Variants in IWS1 observed in about 807,000 individuals in gnomAD.
IWS1 encodes protein IWS1 homolog.
In IWS1, 27 loss-of-function variants were observed where a neutral mutation model predicts 86.7. The observed-to-expected ratio is 0.31, with a 90% CI of 0.23 to 0.43. The LOEUF is 0.43. Ranked by LOEUF, IWS1 falls within the 20% of genes least tolerant of loss-of-function variation. The pLI, the probability that IWS1 is intolerant of heterozygous loss-of-function variation, is 1.00. For missense variants in IWS1, 827 were observed against 1,000.8 expected, an observed-to-expected ratio of 0.83 and a Z score of 2.34; for synonymous variants, 313 against 335.1, an observed-to-expected ratio of 0.93 and a Z score of 0.72.
At chr2:127,525,400 CT>C (rs1266291151) in intron 1 of IWS1, among the ~76,000 whole-genome samples, 1 of 152,138 alleles carries the variant, frequency 6.6e-6, no homozygotes, top group Non-Finnish European at 1.5e-5. Context: ...CTCAAGTTTT[CT>C]TTTTAATTTT....
chr2:127,516,705 G>A (rs1043331619), intron 2 of IWS1, among the ~76,000 whole-genome samples: 2 of 152,260 alleles, frequency 1.3e-5, no homozygotes, highest in Non-Finnish European at 2.9e-5. Context: ...AGGTTACAAT[G>A]AGCCATAATT....
chr2:127,523,601 T>C, intron 2 of IWS1, 75 bp downstream of exon 2: 2 of 946,276 alleles, frequency 2.1e-6, no homozygotes, highest in Non-Finnish European at 3.3e-6. Context: ...ACAGAGATTC[T>C]GTAACTCCTA....
chr2:127,496,927 T>C (rs1445984796), intron 6 of IWS1, among the ~76,000 whole-genome samples: 7 of 152,226 alleles, frequency 4.6e-5, no homozygotes, highest in Non-Finnish European at 1.5e-5. Context: ...ACAAATACCA[T>C]TGTGTTACCA....
intron 2 of IWS1, among the ~76,000 whole-genome samples, chr2:127,520,069 G>A (rs191298153): frequency 3.9e-5 from 6 of 152,270 alleles, no homozygotes; most frequent in African/African-American, 9.6e-5. Flanking sequence ...ATAATTTTTC[G>A]TTGTTTTAAG....
chr2:127,525,223 G>A (rs958755440), intron 1 of IWS1, among the ~76,000 whole-genome samples: 1 of 152,040 alleles, frequency 6.6e-6, no homozygotes, highest in African/African-American at 2.4e-5. Flanking sequence ...GCCTCCCAAA[G>A]TGCTGGGATT....
In IWS1 at chr2:127,505,614, A is replaced by T. The variant is rs761680464; in HGVS notation, c.289T>A (p.Ser97Thr). The T allele has an allele frequency of 1.2e-5, 20 of 1,612,792 alleles. No individual in the cohort carries two copies. The East Asian group carries it at 4.5e-4, about 36-fold the overall frequency. ...LHRQKDSDSE[S>T]EERAEPPASD... ...GCAGGAGGCTCTGCACGTTCCTCAG[A>T]TTCAGAGTCGCTGTCCTTTTGCCTG... Residue 97 changes from serine to threonine, a missense_variant, in exon 3 of 14, where the codon TCT becomes ACT. Ser to Thr is a moderately conservative substitution (Grantham distance 58). Coordinates refer to ENST00000295321, the MANE Select transcript of IWS1 (RefSeq NM_017969.3). The surrounding 1 kb of genome is among the most constrained non-coding windows in gnomAD (Gnocchi z 5.0).
intron 13 of IWS1, chr2:127,482,840 T>C (rs936088235): frequency 6.6e-6 from 1 of 152,136 alleles, no homozygotes; most frequent in African/African-American, 2.4e-5. Flanking sequence ...AACGCTACAC[T>C]TCCTTAGAAA....
Position 127,481,023 on chromosome 2 carries a change from G to A in IWS1, c.*21C>T. On this transcript the variant is annotated 3_prime_UTR_variant, in exon 14 of 14. Transcript: ENST00000295321. ...ATTGCGCATTTCTTAGAGTAGAGAT[G>A]GGGACACATTCCAGGCAAGGTCACA... The A allele has an allele frequency of 6.3e-7, 1 of 1,596,370 alleles. No homozygotes were observed. The highest frequency in any genetic ancestry group is 8.5e-7 in the Non-Finnish European group (1 of 1,174,378).
At chr2:127,502,730 T>G in intron 5 of IWS1, 85 bp downstream of exon 5, 1 of 665,730 alleles carries the variant, frequency 1.5e-6, no homozygotes, top group Non-Finnish European at 2.7e-6. Context: ...TCCTACTTAT[T>G]AGAATCATCT....
At chr2:127,514,975 CT>C (rs1691691609) in intron 2 of IWS1, 1 of 152,230 alleles carries the variant, frequency 6.6e-6, no homozygotes, top group African/African-American at 2.4e-5. Context: ...GGAAGTGGCA[CT>C]CTCCAAAAAA....
rs1359805509 is a variant in IWS1, at chr2:127,504,791, T to G, written c.1112A>C (p.Lys371Thr). Reference sequence around the variant, plus strand: ...TTCATCACTGTCCATTTTTTGCTTTTTGTGTTCTTCCTCCTCACTATCAGA... The same window carrying G: ...TTCATCACTGTCCATTTTTTGCTTTGTGTGTTCTTCCTCCTCACTATCAGA... Reference protein sequence around the residue: ...HSSDSEEEEHKKQKMDSDEDE... With the variant: ...HSSDSEEEEHTKQKMDSDEDE... The change falls in exon 3 of 14, where the codon AAA becomes ACA. Residue 371 changes from lysine to threonine, a missense_variant. By Grantham distance (78) the Lys-to-Thr change is moderately conservative. Around this residue, in one of 2 missense-constraint regions of IWS1, gnomAD observed 548 missense variants for 560.2 expected, o/e 0.98. Transcript: ENST00000295321. 3.7e-6 allele frequency: 6 copies of G among 1,614,234 alleles called. No individual in the cohort carries two copies. The highest frequency in any genetic ancestry group is 5.1e-6 in the Non-Finnish European group (6 of 1,180,030).
Position 127,499,151 on chromosome 2 carries a change from C to A in IWS1, c.1468-914G>T, listed in dbSNP as rs112830719. Among the ~76,000 whole-genome samples the A allele has an allele frequency of 0.012, 1,740 of 148,820 alleles. 31 individuals are homozygous for A. The highest frequency in any genetic ancestry group is 0.04 in the African/African-American group (1,609 of 40,292). On this transcript the variant is annotated intron_variant, in intron 5 of 13. Transcript: ENST00000295321. The surrounding 1 kb of genome is among the most constrained non-coding windows in gnomAD (Gnocchi z 4.0). ...TGTCGCCCAGGCCAGAGTGCAGTGG[C>A]GTGATCTCGGCTCACTGCAAGCTCC...
In IWS1 at chr2:127,493,410, C is replaced by A; in HGVS notation, c.1800G>T (p.Lys600Asn). The A allele has an allele frequency of 6.3e-7, 1 of 1,592,752 alleles. No homozygotes were observed. Among genetic ancestry groups the A allele is most frequent in the Non-Finnish European group, 8.5e-7 (1 of 1,174,074 alleles). ...LLPAVVMHLK[K>N]QDLKETFIDS... is the part of the protein sequence containing the mutation. ...CAATGAATGTTTCTTTAAGGTCCTG[C>A]CTGCAGTAACAATAATTTTTAAAAA... The change falls in exon 9 of 14, where the codon AAG (lysine) becomes AAT (asparagine). Residue 600 changes from lysine (K) to asparagine (N), a missense_variant and splice_region_variant. Physicochemically the swap from Lys to Asn is moderately conservative, Grantham distance 94. Around this residue, in one of 2 missense-constraint regions of IWS1, gnomAD observed 279 missense variants for 440.6 expected, o/e 0.63. Coordinates refer to ENST00000295321, the MANE Select transcript of IWS1 (RefSeq NM_017969.3).
chr2:127,503,598 A>G, intron 3 of IWS1, 22 bp from the exon 4 acceptor site: 1 of 1,543,630 alleles, frequency 6.5e-7, no homozygotes, highest in Non-Finnish European at 8.8e-7. Flanking sequence ...GAAAATCATC[A>G]TTAATTTTAT....
At position 127,505,661 on chromosome 2, in the gene IWS1, T is replaced by A; in HGVS notation, c.242A>T (p.Asp81Val). Residue 81 changes from aspartate to valine, a missense_variant, in exon 3 of 14, where the codon GAC (aspartate) becomes GTC (valine). This residue lies in a region of IWS1 where 548 missense variants were observed against 560.2 expected (regional missense o/e 0.98). Transcript: ENST00000295321. This position sits in a 1 kb window ranked among gnomAD's most constrained non-coding sequence, Gnocchi z 5.0. The part of the protein sequence containing the change: ...NDEPLNLNAS[D>V]SESEELHRQK... ...CCTGTGAAGCTCCTCACTTTCAGAG[T>A]CACTAGCATTAAGATTTAAGGGCTC... is the stretch of plus-strand genomic sequence containing the variant. The A allele has an allele frequency of 2.5e-6, 4 of 1,613,934 alleles. No homozygotes were observed. Among genetic ancestry groups the A allele is most frequent in the Non-Finnish European group, 3.4e-6 (4 of 1,179,968 alleles).
chr2:127,521,541 A>T (rs1025268398), intron 2 of IWS1, among the ~76,000 whole-genome samples: 5 of 152,238 alleles, frequency 3.3e-5, no homozygotes, highest in Admixed American at 3.3e-4. Flanking sequence ...CAAACATCAC[A>T]GCTTAGCCTA....
chr2:127,513,608 G>C (rs1213034486), intron 2 of IWS1, among the ~76,000 whole-genome samples: 2 of 152,024 alleles, frequency 1.3e-5, no homozygotes, highest in African/African-American at 2.4e-5. Flanking sequence ...CACATGAAAG[G>C]GTTCTTCGCA....
rs936982541 is a variant in IWS1, at chr2:127,489,538, G to A, written c.2159+294C>T. ...ATAACATTTTTTCTTCTAGGAACTC[G>A]GAAACGGGACCCAGAAAGTTGTTTT... On this transcript the variant is annotated intron_variant, in intron 11 of 13. Coordinates refer to ENST00000295321, the MANE Select transcript of IWS1 (RefSeq NM_017969.3). This position sits in a 1 kb window ranked among gnomAD's most constrained non-coding sequence, Gnocchi z 4.8. The A allele has an allele frequency of 4.0e-6, 2 of 496,870 alleles. No individual in the cohort carries two copies. The highest frequency in any genetic ancestry group is 3.4e-5 in the East Asian group (1 of 29,684). The allele number at this position is 496,870 out of a possible 1,614,324, so 30.8% of individuals were successfully genotyped here.
intron 2 of IWS1, among the ~76,000 whole-genome samples, chr2:127,512,524 T>C (rs1324308799): frequency 1.3e-5 from 2 of 152,244 alleles, no homozygotes; most frequent in East Asian, 3.8e-4. Context: ...TTCCATTTTC[T>C]AGCCACAACA....
Sources: gnomAD v4.1 joint callset for allele counts (sites outside exome capture counted in the v4.1 genomes callset) on GRCh38, gnomAD v4.1.1 for gene constraint, gnomAD v4.1.1 regional missense constraint, Gnocchi (gnomAD v3.1) non-coding constraint, MANE v1.5 for transcripts, NCBI Gene and HGNC (gene_info 2026-07-23, HGNC 2026-07-21) for gene names.